DGKZ: variants seen among roughly 807,000 people sequenced by gnomAD.
DGKZ encodes the protein DAG kinase zeta.
A neutral mutation model predicts 142.5 loss-of-function variants in DGKZ; 45 were observed. The ratio of observed to expected loss-of-function variants is 0.32; its 90% CI spans 0.25 to 0.40. The LOEUF is 0.40. Ranked by LOEUF, DGKZ falls within the 10% of genes least tolerant of loss-of-function variation. The probability of loss-of-function intolerance (pLI) is 1.00; values close to 1 mark genes in which losing one functional copy is unlikely to be tolerated. For missense variants in DGKZ, 755 were observed against 1,306.5 expected (o/e 0.58, Z 6.51); for synonymous variants, 442 against 527.0 (o/e 0.84, Z 2.21).
In DGKZ at chr11:46,370,407, C is replaced by T. The variant is rs565130353; in HGVS notation, c.570+398C>T. Among the ~76,000 whole-genome samples the T allele has an allele frequency of 3.3e-5, 5 of 152,340 alleles. No homozygotes were observed. The South Asian group carries it at 1.0e-3, about 32-fold the overall frequency. ...TTCCAGGCGACCGCCTAACCCAGTC[C>T]ACAGTTGTTTGGTTCACTTTCTTGT... On this transcript the variant is annotated intron_variant, in intron 6 of 30. Transcript: ENST00000527911.
rs1348024304 is a variant in DGKZ at position 46,369,569 on chromosome 11, C to T, written c.501+19C>T. ...CCGCGAGGTAAGTGCCCAGGGTGGT[C>T]AGGGATGGGGCCACCCTAAGATTCC... On this transcript the variant is annotated intron_variant, in intron 5 of 30. Coordinates refer to ENST00000527911, the Ensembl canonical transcript of DGKZ. 1.2e-6 allele frequency: 2 copies of T among 1,611,978 alleles called. No individual in the cohort carries two copies. Among genetic ancestry groups the T allele is most frequent in the Non-Finnish European group, 8.5e-7 (1 of 1,179,898 alleles).
Position 46,372,370 on chromosome 11 carries a change from C to T in DGKZ, c.928-58C>T, listed in dbSNP as rs1050751506. 40 of 1,576,726 alleles carry T rather than the reference C, an allele frequency of 2.5e-5. No individual in the cohort carries two copies. The highest frequency in any genetic ancestry group is 3.2e-5 in the Non-Finnish European group (37 of 1,146,956). On this transcript the variant is annotated intron_variant, in intron 10 of 30. Transcript: ENST00000527911. This position sits in a 1 kb window ranked among gnomAD's most constrained non-coding sequence, Gnocchi z 5.9. ...CCACAGTCACACCCCTCTCCCTCTG[C>T]TGCTCCCACTTCGTCCCACCACTGC...
Position 46,375,552 on chromosome 11 carries a change from C to T in DGKZ, c.1831C>T (p.Arg611Cys), listed in dbSNP as rs746405604. 2.1e-5 allele frequency: 33 copies of T among 1,591,264 alleles called. No individual in the cohort carries two copies. Among genetic ancestry groups the T allele is most frequent in the East Asian group, 6.8e-5 (3 of 44,232 alleles). ...CGAGCCCTGCAAGCTTGCAGCCTCACGCATCCGCATCGCCCTGCGCAACCA... is the reference window on the plus strand; with the variant it reads ...CGAGCCCTGCAAGCTTGCAGCCTCATGCATCCGCATCGCCCTGCGCAACCA... Residue 611 changes from arginine to cysteine, a missense_variant, in exon 20 of 31, where the codon CGC (arginine) becomes TGC (cysteine). Arg to Cys is a radical substitution (Grantham distance 180). This residue lies in a region of DGKZ where 191 missense variants were observed against 472.1 expected (regional missense o/e 0.40). Transcript: ENST00000527911.
At chr11:46,375,542 T>C in exon 20 of DGKZ, 2 of 1,592,398 alleles carry the variant, frequency 1.3e-6, no homozygotes, top group Non-Finnish European at 1.7e-6. Flanking sequence ...CCTGCAAGCT[T>C]GCAGCCTCAC....
At chr11:46,361,865 C>CTG (rs1942693434) in intron 1 of DGKZ, 1 of 176,158 alleles carries the variant, frequency 5.7e-6, no homozygotes, top group African/African-American at 2.4e-5. Flanking sequence ...GAAAAGGGTC[C>CTG]CCCCGAGCTC....
chr11:46,367,851 G>T lies in DGKZ; in HGVS notation c.366+104G>T, dbSNP rs775630585. 1.3e-6 allele frequency: 2 copies of T among 1,536,866 alleles called. No individual in the cohort carries two copies. Among genetic ancestry groups the T allele is most frequent in the East Asian group, 2.3e-5 (1 of 44,148 alleles). On this transcript the variant is annotated intron_variant, in intron 3 of 30. Transcript: ENST00000527911. The surrounding 1 kb of genome is among the most constrained non-coding windows in gnomAD (Gnocchi z 4.1). ...CCGCTCCCTGGCACCCCTGCTGTGG[G>T]CCGCCCCAGGATGGTGAGGGGTGCA... is the stretch of plus-strand genomic sequence containing the variant.
chr11:46,333,488 G>C lies in DGKZ; in HGVS notation c.212+1G>C. ...ACCTACGAAAGCAGGTGTCTTACAG[G>C]TAAGGAGGACGTGGGCAGAGGGGAG... On this transcript the variant is annotated splice_donor_variant, in intron 1 of 30. Coordinates refer to the DGKZ transcript ENST00000343674. LOFTEE classifies it high-confidence loss of function. The C allele has an allele frequency of 6.5e-7, 1 of 1,543,454 alleles. No individual in the cohort carries two copies. The highest frequency in any genetic ancestry group is 8.7e-7 in the Non-Finnish European group (1 of 1,145,186).
In DGKZ at chr11:46,367,759, T is replaced by C. The variant is rs570133196; in HGVS notation, c.366+12T>C. 5 of 1,613,020 alleles carry C rather than the reference T, an allele frequency of 3.1e-6. No individual in the cohort carries two copies. In the East Asian group the frequency reaches 6.7e-5, roughly 22 times the overall value. On this transcript the variant is annotated intron_variant, in intron 3 of 30. Transcript: ENST00000527911. The surrounding 1 kb of genome is among the most constrained non-coding windows in gnomAD (Gnocchi z 4.1). ...TAGCCAGGATGCTGGTGAGTGCTCG[T>C]AGGGGCACGCCGCCCCCTGCTGGTG...
chr11:46,378,420 C>T, intron 26 of DGKZ, 37 bp from the exon 27 acceptor site: 1 of 1,569,092 alleles, frequency 6.4e-7, no homozygotes, highest in Non-Finnish European at 8.7e-7. Context: ...AAGCCCAGGC[C>T]TCCGACTGCA....
At chr11:46,376,526 A>G (rs1418090423) in exon 24 of DGKZ, 1 of 1,613,684 alleles carries the variant, frequency 6.2e-7, no homozygotes, top group African/African-American at 1.3e-5. Context: ...TCCCACAGCC[A>G]CCACTGCCAG....
intron 1 of DGKZ, chr11:46,361,805 C>T (rs1942685911): frequency 4.5e-6 from 2 of 447,266 alleles, no homozygotes; most frequent in South Asian, 1.9e-4. Context: ...GACCCGGGCC[C>T]CACCATCCCT....
chr11:46,367,157 T>G lies in DGKZ; in HGVS notation c.162-134T>G. The G allele has an allele frequency of 8.1e-7, 1 of 1,229,286 alleles. No homozygotes were observed. The highest frequency in any genetic ancestry group is 1.2e-6 in the Non-Finnish European group (1 of 857,826). The allele number at this position is 1,229,286 out of a possible 1,614,324, so 76.1% of individuals were successfully genotyped here. On this transcript the variant is annotated intron_variant, in intron 1 of 30. Transcript: ENST00000527911. This position sits in a 1 kb window ranked among gnomAD's most constrained non-coding sequence, Gnocchi z 4.1. ...ATGTCTCTTGCAGGGAGCCTCTTAGTGTCTGGGGCTGCTGGGAGGCTCCTC... is the reference window on the plus strand; with the variant it reads ...ATGTCTCTTGCAGGGAGCCTCTTAGGGTCTGGGGCTGCTGGGAGGCTCCTC...
intron 1 of DGKZ, among the ~76,000 whole-genome samples, chr11:46,351,778 C>G (rs1196954754): frequency 1.3e-5 from 2 of 152,220 alleles, no homozygotes; most frequent in Non-Finnish European, 2.9e-5. Context: ...GCTCCCCACA[C>G]AAGGTCAGGT....
rs75061553 is a variant in DGKZ at position 46,356,368 on chromosome 11, G to A, written c.161+8548G>A. Among the ~76,000 whole-genome samples, 1,199 of 152,296 alleles carry A rather than the reference G, an allele frequency of 7.9e-3. 8 individuals carry two copies. The highest frequency in any genetic ancestry group is 0.028 in the African/African-American group (1,159 of 41,544). On this transcript the variant is annotated intron_variant, in intron 1 of 30. Coordinates refer to ENST00000527911, the Ensembl canonical transcript of DGKZ. ...TGCCCACCTGAAGCCTGTGCTGTCA[G>A]CGGGATCCATGAGGCTGAGTCCAGA...
At chr11:46,350,141 A>G (rs1163695415) in intron 1 of DGKZ, among the ~76,000 whole-genome samples, 1 of 152,202 alleles carries the variant, frequency 6.6e-6, no homozygotes, top group East Asian at 1.9e-4. Flanking sequence ...GCCTTCAGAA[A>G]TGAATACATT....
At position 46,364,888 on chromosome 11, in the gene DGKZ, C is replaced by T. The variant is rs567703716; in HGVS notation, c.162-2403C>T. ...TGTCCCAGGGCTGTGACCTTGACCT[C>T]TGTGGCTGCCAGCGGTTAGGATGCA... On this transcript the variant is annotated intron_variant, in intron 1 of 30. Coordinates refer to ENST00000527911, the Ensembl canonical transcript of DGKZ. 24 of 985,462 alleles carry T rather than the reference C, an allele frequency of 2.4e-5. No homozygotes were observed. In the Middle Eastern group the frequency reaches 2.1e-3, roughly 86 times the overall value. 61.0% of individuals were successfully genotyped at this position (985,462 alleles called of 1,614,324 possible). A position where few individuals can be genotyped will look rare whatever the true frequency, so the allele number is the denominator to read the frequency against.
Position 46,367,505 on chromosome 11 carries a change from G to A in DGKZ, c.270+106G>A. On this transcript the variant is annotated intron_variant, in intron 2 of 30. Transcript: ENST00000527911. This position sits in a 1 kb window ranked among gnomAD's most constrained non-coding sequence, Gnocchi z 4.1. ...CAGCTGGGAGAGCCAAGCCTGGAAG[G>A]GTTGGGACAGTGGGGCAGACGGAAC... 1 of 1,392,586 alleles carries A rather than the reference G, an allele frequency of 7.2e-7. No homozygotes were observed. Among genetic ancestry groups the A allele is most frequent in the Non-Finnish European group, 9.8e-7 (1 of 1,016,532 alleles). 86.3% of individuals were successfully genotyped at this position (1,392,586 alleles called of 1,614,324 possible).
intron 1 of DGKZ, among the ~76,000 whole-genome samples, chr11:46,362,405 C>A (rs2136444491): frequency 6.6e-6 from 1 of 152,270 alleles, no homozygotes; most frequent in South Asian, 2.1e-4. Flanking sequence ...GGGTGGTGGC[C>A]ACCCTGGGCA....
intron 25 of DGKZ, chr11:46,377,884 A>C: frequency 2.3e-6 from 1 of 430,810 alleles, no homozygotes; most frequent in Non-Finnish European, 4.2e-6. Context: ...TCCTCCTTGG[A>C]GAGATCACTC....
Sources: gnomAD v4.1 joint callset for allele counts (sites outside exome capture counted in the v4.1 genomes callset) on GRCh38, gnomAD v4.1.1 for gene constraint, gnomAD v4.1.1 regional missense constraint, Gnocchi (gnomAD v3.1) non-coding constraint, MANE v1.5 for transcripts, NCBI Gene and HGNC (gene_info 2026-07-23, HGNC 2026-07-21) for gene names.